MMP8: variants seen among roughly 807,000 people sequenced by gnomAD.
MMP8 encodes the protein neutrophil collagenase.
In MMP8, 67 loss-of-function variants were observed where a neutral mutation model predicts 51.2. The ratio of observed to expected loss-of-function variants is 1.31; its 90% CI spans 1.08 to 1.60. The LOEUF (loss-of-function observed/expected upper bound fraction) is 1.60. MMP8 is among the 40% of genes most tolerant of loss of function. The probability of loss-of-function intolerance (pLI) is 0.00; values close to 1 mark genes in which losing one functional copy is unlikely to be tolerated. For missense variants in MMP8, 654 were observed against 558.1 expected (o/e 1.17, Z -1.73); for synonymous variants, 225 against 191.0 (o/e 1.18, Z -1.47).
At position 102,714,556 on chromosome 11, in the gene MMP8, C is replaced by A; in HGVS notation, c.1190G>T (p.Arg397Ile). The change falls in exon 8 of 10, where the codon AGA becomes ATA. Residue 397 changes from arginine to isoleucine, a missense_variant and splice_region_variant. Transcript: ENST00000236826. Reference sequence around the variant, plus strand: ...TAATTGAAAAAATAGTTTACGTTACCTCCAGAATTGGTCATTTACAAAGAA... The same window carrying A: ...TAATTGAAAAAATAGTTTACGTTACATCCAGAATTGGTCATTTACAAAGAA... Reference protein sequence around the residue: ...TYFFVNDQFWRYDNQRQFMEP... With the variant: ...TYFFVNDQFWIYDNQRQFMEP... 1 of 1,456,676 alleles carries A rather than the reference C, an allele frequency of 6.9e-7. No individual in the cohort carries two copies. Among genetic ancestry groups the A allele is most frequent in the Non-Finnish European group, 9.1e-7 (1 of 1,099,202 alleles). 90.2% of individuals were successfully genotyped at this position (1,456,676 alleles called of 1,614,324 possible).
chr11:102,713,520 A>G, intron 9 of MMP8, 63 bp from the exon 10 acceptor site: 2 of 1,356,808 alleles, frequency 1.5e-6, no homozygotes, highest in East Asian at 2.4e-5. Context: ...GTCTTCAGTT[A>G]GAAAACCCTG....
intron 2 of MMP8, 80 bp from the exon 3 acceptor site, chr11:102,721,842 A>AAGTG: frequency 6.6e-7 from 1 of 1,510,976 alleles, no homozygotes; most frequent in Non-Finnish European, 9.0e-7. Context: ...TTCTGTTTTG[A>AAGTG]AGTGAGTTGC....
chr11:102,723,552 T>C, intron 1 of MMP8: 1 of 454,484 alleles, frequency 2.2e-6, no homozygotes, highest in Non-Finnish European at 4.4e-6. Context: ...TTGTGCTGTG[T>C]CATAACATGG....
intron 9 of MMP8, 51 bp downstream of exon 9, chr11:102,713,703 T>C (rs1174773150): frequency 1.4e-6 from 2 of 1,465,292 alleles, no homozygotes; most frequent in Admixed American, 1.8e-5. Context: ...CTGTCTCCTC[T>C]ATAATAAACA....
intron 5 of MMP8, 130 bp from the exon 6 acceptor site, chr11:102,716,549 T>C (rs1003090812): frequency 3.8e-5 from 18 of 476,576 alleles, no homozygotes; most frequent in African/African-American, 6.0e-5. Context: ...TACCAGACTA[T>C]ACCATAAAGT....
At chr11:102,717,728 A>G (rs1861340614) in intron 5 of MMP8, among the ~76,000 whole-genome samples, 2 of 152,212 alleles carry the variant, frequency 1.3e-5, no homozygotes, top group Admixed American at 1.3e-4. Context: ...ATGTCCCCTT[A>G]TGGATCTACA....
chr11:102,721,824 A>G, intron 2 of MMP8, 62 bp from the exon 3 acceptor site: 1 of 1,572,086 alleles, frequency 6.4e-7, no homozygotes, highest in Non-Finnish European at 8.7e-7. Context: ...CCATCAACTG[A>G]TGAGTTGTTC....
chr11:102,714,762 TTA>T (rs58774554), intron 7 of MMP8, 53 bp from the exon 8 acceptor site: 4,139 of 175,810 alleles, frequency 0.024, 42 homozygotes, highest in East Asian at 0.034. Context: ...TTTTACAAAA[TTA>T]TATATATATA....
intron 6 of MMP8, among the ~76,000 whole-genome samples, 158 bp from the exon 7 acceptor site, chr11:102,715,595 G>A (rs977657587): frequency 6.6e-6 from 1 of 152,166 alleles, no homozygotes; most frequent in Admixed American, 6.5e-5. Context: ...CCAGCATATG[G>A]CGAAGCTTTA....
At chr11:102,722,387 T>C (rs776125736) in intron 2 of MMP8, 42 bp downstream of exon 2, 5 of 1,603,322 alleles carry the variant, frequency 3.1e-6, no homozygotes, top group Non-Finnish European at 4.3e-6. Context: ...GCCCAGTCCA[T>C]ACTGGATAAA....
At chr11:102,718,674 G>A in intron 4 of MMP8, 99 bp from the exon 5 acceptor site, 1 of 1,319,766 alleles carries the variant, frequency 7.6e-7, no homozygotes, top group Non-Finnish European at 1.1e-6. Context: ...AACTGCTCAG[G>A]GAAATAGCCC....
rs1861160444 is a variant in MMP8 at position 102,712,708 on chromosome 11, T to C, written c.*640A>G. The C allele has an allele frequency of 6.6e-6, 1 of 152,162 alleles. No individual in the cohort carries two copies. Among genetic ancestry groups the C allele is most frequent in the Non-Finnish European group, 1.5e-5 (1 of 68,052 alleles). The allele number at this position is 152,162 out of a possible 1,614,324, so 9.4% of individuals were successfully genotyped here. ...ATAAGAACAACAGTCATAATGGATT[T>C]AGAGCCCACCCTAATTCAGTGTGAT... On this transcript the variant is annotated 3_prime_UTR_variant, in exon 10 of 10. Coordinates refer to ENST00000236826, the MANE Select transcript of MMP8 (RefSeq NM_002424.3).
At chr11:102,721,341 T>TGTG in intron 4 of MMP8, 60 bp downstream of exon 4, 1 of 1,597,250 alleles carries the variant, frequency 6.3e-7, no homozygotes, top group Non-Finnish European at 8.6e-7. Flanking sequence ...TGTGTGTGTA[T>TGTG]TCTAATCTGT....
At chr11:102,722,800 A>G in intron 1 of MMP8, 127 bp from the exon 2 acceptor site, 1 of 1,387,180 alleles carries the variant, frequency 7.2e-7, no homozygotes, top group Non-Finnish European at 9.6e-7. Context: ...AATAACACAA[A>G]TTAATTTGTA....
chr11:102,722,695 G>C lies in MMP8; in HGVS notation c.103-22C>G, dbSNP rs770386801. ...AGTCCTGGACAAAGACAAGCACATA[G>C]GGGTCTTGCTGTGAAAGGACCTCCA... On this transcript the variant is annotated intron_variant, in intron 1 of 9. Coordinates refer to ENST00000236826, the MANE Select transcript of MMP8 (RefSeq NM_002424.3). 3.1e-6 allele frequency: 5 copies of C among 1,610,896 alleles called. No individual in the cohort carries two copies. In the African/African-American group the frequency reaches 6.7e-5, roughly 22 times the overall value.
intron 1 of MMP8, among the ~76,000 whole-genome samples, chr11:102,724,346 T>A (rs970821885): frequency 6.6e-6 from 1 of 152,238 alleles, no homozygotes; most frequent in African/African-American, 2.4e-5. Flanking sequence ...CATTATTTTC[T>A]ATATCTGGAA....
chr11:102,723,948 G>C (rs1028697398), intron 1 of MMP8: 4 of 329,494 alleles, frequency 1.2e-5, no homozygotes, highest in Admixed American at 6.4e-5. Context: ...TTTTGTCTCT[G>C]AAATGAAAAT....
At chr11:102,716,062 T>C (rs915281776) in intron 6 of MMP8, among the ~76,000 whole-genome samples, 4 of 152,158 alleles carry the variant, frequency 2.6e-5, no homozygotes, top group African/African-American at 9.7e-5. Flanking sequence ...AATACTCAAT[T>C]GCATAAATTC....
rs1485551368 is a variant in MMP8, at chr11:102,721,681, T to C, written c.429A>G (p.Ala143=). The C allele has an allele frequency of 1.2e-6, 2 of 1,613,788 alleles. No homozygotes were observed. Among genetic ancestry groups the C allele is most frequent in the Non-Finnish European group, 1.7e-6 (2 of 1,179,882 alleles). ...IKDAFELWSV[A]SPLIFTRISQ... ...AGATCCTGGTGAAGATGAGAGGTGATGCAACACTCCAGAGTTCAAAGGCAT... is the reference window on the plus strand; with the variant it reads ...AGATCCTGGTGAAGATGAGAGGTGACGCAACACTCCAGAGTTCAAAGGCAT... Residue 143 remains alanine (A), a synonymous_variant, in exon 3 of 10, where the codon GCA becomes GCG. Coordinates refer to ENST00000236826, the MANE Select transcript of MMP8 (RefSeq NM_002424.3).
Sources: gnomAD v4.1 joint callset for allele counts (sites outside exome capture counted in the v4.1 genomes callset) on GRCh38, gnomAD v4.1.1 for gene constraint, MANE v1.5 for transcripts, NCBI Gene and HGNC (gene_info 2026-07-23, HGNC 2026-07-21) for gene names.